The following ADGRB1 variants were observed in gnomAD, a reference collection of about 807,000 sequenced individuals.
ADGRB1 encodes brain-specific angiogenesis inhibitor 1.
In ADGRB1, 36 loss-of-function variants were observed where a neutral mutation model predicts 175.7. The ratio of observed to expected loss-of-function variants is 0.20; its 90% CI spans 0.16 to 0.27. ADGRB1 has a LOEUF of 0.27. Among genes scored for constraint, ADGRB1 ranks in the 10% least tolerant of loss-of-function variants. The pLI is 1.00. For missense variants in ADGRB1, 1,731 were observed against 2,255.3 expected (o/e 0.77, Z 4.71); for synonymous variants, 1,054 against 979.4 (o/e 1.08, Z -1.42).
At chr8:142,498,564 C>G (rs549641224) in intron 17 of ADGRB1, among the ~76,000 whole-genome samples, 1 of 151,974 alleles carries the variant, frequency 6.6e-6, no homozygotes, top group East Asian at 1.9e-4. Flanking sequence ...ACTGGCTGTG[C>G]GCGCCCAGGC....
At chr8:142,466,902 C>T (rs925009791) in intron 2 of ADGRB1, among the ~76,000 whole-genome samples, 8 of 152,226 alleles carry the variant, frequency 5.3e-5, no homozygotes, top group African/African-American at 1.9e-4. Flanking sequence ...ATACCAACTC[C>T]TTTGCAGAGC....
chr8:142,468,167 A>G (rs548823810), intron 2 of ADGRB1, among the ~76,000 whole-genome samples: 15 of 152,146 alleles, frequency 9.9e-5, no homozygotes, highest in African/African-American at 1.9e-4. Context: ...ATATGTGCTC[A>G]TGCATATATG....
At chr8:142,513,512 T>C (rs1843218696) in intron 18 of ADGRB1, among the ~76,000 whole-genome samples, 1 of 152,158 alleles carries the variant, frequency 6.6e-6, no homozygotes, top group South Asian at 2.1e-4. Context: ...GGGTGCAGCC[T>C]GCCCCTGGCA....
At chr8:142,465,396 G>A (rs1431329719) in intron 2 of ADGRB1, among the ~76,000 whole-genome samples, 3 of 152,230 alleles carry the variant, frequency 2.0e-5, no homozygotes, top group African/African-American at 4.8e-5. Context: ...GCCAGAGGCT[G>A]CAGCGGCCTG....
chr8:142,496,742 C>T (rs976075604), intron 17 of ADGRB1, among the ~76,000 whole-genome samples: 5 of 152,130 alleles, frequency 3.3e-5, no homozygotes, highest in Non-Finnish European at 5.9e-5. Flanking sequence ...TAGTACAAGC[C>T]GGGCCACAGA....
chr8:142,471,499 A>C (rs1398927274), intron 2 of ADGRB1, among the ~76,000 whole-genome samples: 2 of 152,344 alleles, frequency 1.3e-5, no homozygotes, highest in East Asian at 3.9e-4. Context: ...TTCTCAGGCC[A>C]AGGAGCACCT....
At position 142,464,486 on chromosome 8, in the gene ADGRB1, C is replaced by T. The variant is rs768732119; in HGVS notation, c.288C>T (p.Pro96=). Residue 96 remains proline (P), a synonymous_variant, in exon 2 of 31, where the codon CCC becomes CCT. Transcript: ENST00000517894. ...AGGCGCCCGTGCCCTGCAGCGGCCC[C>T]GGCCGCGTGCGCACCTACCAGTTCG... ...VAKAPVPCSG[P]GRVRTYQFDS... The T allele has an allele frequency of 7.0e-6, 11 of 1,580,814 alleles. No individual in the cohort carries two copies. Among genetic ancestry groups the T allele is most frequent in the African/African-American group, 1.4e-5 (1 of 73,076 alleles).
chr8:142,468,207 T>G (rs1038119629), intron 2 of ADGRB1, among the ~76,000 whole-genome samples: 18 of 150,406 alleles, frequency 1.2e-4, no homozygotes, highest in African/African-American at 4.2e-4. Flanking sequence ...TAAGTGTGGG[T>G]GCGTGTGTGT....
chr8:142,481,301 T>C lies in ADGRB1; in HGVS notation c.1876T>C (p.Trp626Arg). ...GCTGGACGAGGAAGGCATCGCCTAC[T>C]GGGAGCCCCCCACCTACATCCGCTG... is the stretch of plus-strand genomic sequence containing the variant. ...CELDEEGIAY[W>R]EPPTYIRCVS... is the part of the protein sequence containing the mutation. The change falls in exon 10 of 31, where the codon TGG (tryptophan) becomes CGG (arginine). Residue 626 changes from tryptophan (W) to arginine (R), a missense_variant. By Grantham distance (101) the Trp-to-Arg change is moderately radical (BLOSUM62 -3). This residue lies in a region of ADGRB1 where 388 missense variants were observed against 630.9 expected (regional missense o/e 0.61). Transcript: ENST00000517894. The C allele has an allele frequency of 6.2e-7, 1 of 1,613,856 alleles. No individual in the cohort carries two copies.
At chr8:142,489,219 T>C in intron 15 of ADGRB1, 109 bp downstream of exon 15, 1 of 1,543,644 alleles carries the variant, frequency 6.5e-7, no homozygotes, top group East Asian at 2.3e-5. Flanking sequence ...GGAGTGTGGA[T>C]GATGGGCTGT....
intron 16 of ADGRB1, 131 bp from the exon 17 acceptor site, chr8:142,490,641 A>G: frequency 9.3e-7 from 1 of 1,070,546 alleles, no homozygotes; most frequent in Non-Finnish European, 1.3e-6. Flanking sequence ...TCCTCGCAAA[A>G]CGCAGTCTGT....
chr8:142,526,351 A>C (rs1430887396), intron 23 of ADGRB1, among the ~76,000 whole-genome samples, 191 bp from the exon 24 acceptor site: 1 of 152,166 alleles, frequency 6.6e-6, no homozygotes, highest in Non-Finnish European at 1.5e-5. Context: ...GGCCCTGCAC[A>C]GTTGGCAGCT....
intron 17 of ADGRB1, among the ~76,000 whole-genome samples, chr8:142,505,357 C>T (rs1485783832): frequency 6.6e-6 from 1 of 152,214 alleles, no homozygotes; most frequent in African/African-American, 2.4e-5. Context: ...CCTACCTGCC[C>T]CGGACTCAGT....
At position 142,544,461 on chromosome 8, in the gene ADGRB1, C is replaced by T; in HGVS notation, c.*44C>T. ...CGCACTGGGCCACGGAGGAGGGATGCTGCTCCGCCCGCTCCTGCCGCAGAC... is the reference window on the plus strand; with the variant it reads ...CGCACTGGGCCACGGAGGAGGGATGTTGCTCCGCCCGCTCCTGCCGCAGAC... On this transcript the variant is annotated 3_prime_UTR_variant, in exon 31 of 31. Coordinates refer to ENST00000517894, the MANE Select transcript of ADGRB1 (RefSeq NM_001702.3). The T allele has an allele frequency of 2.1e-5, 30 of 1,426,454 alleles. No homozygotes were observed. The highest frequency in any genetic ancestry group is 5.3e-5 in the East Asian group (2 of 37,808). 88.4% of individuals were successfully genotyped at this position (1,426,454 alleles called of 1,614,324 possible).
chr8:142,528,677 C>A (rs1844389815), intron 24 of ADGRB1, among the ~76,000 whole-genome samples: 1 of 152,082 alleles, frequency 6.6e-6, no homozygotes, highest in South Asian at 2.1e-4. Flanking sequence ...CCTCCTAGGC[C>A]CACCCTTGGG....
intron 13 of ADGRB1, among the ~76,000 whole-genome samples, chr8:142,487,035 G>C (rs1841704329): frequency 1.3e-5 from 2 of 152,146 alleles, no homozygotes; most frequent in South Asian, 2.1e-4. Flanking sequence ...AAAAGACAAA[G>C]TTCTGATTTT....
chr8:142,506,186 C>T (rs1249369168), intron 17 of ADGRB1, among the ~76,000 whole-genome samples: 1 of 152,192 alleles, frequency 6.6e-6, no homozygotes, highest in African/African-American at 2.4e-5. Context: ...GCGACCTTGG[C>T]AGGAGCCGAG....
intron 19 of ADGRB1, among the ~76,000 whole-genome samples, chr8:142,519,947 G>A (rs1027056493): frequency 6.7e-5 from 10 of 148,750 alleles, no homozygotes; most frequent in African/African-American, 1.5e-4. Flanking sequence ...TGGTGATGGC[G>A]TGATGGTGGT....
chr8:142,477,223 G>T lies in ADGRB1; in HGVS notation c.1167G>T (p.Gln389His). ...GCGTGTCCTCCTCCTACAGCACGCA[G>T]TGCAGCGGACCCCTGCGCGAGCAGC... ...RFCVSSSYST[Q>H]CSGPLREQRL... Residue 389 changes from glutamine to histidine, a missense_variant, in exon 5 of 31, where the codon CAG (glutamine) becomes CAT (histidine). By Grantham distance (24) the Gln-to-His change is conservative (BLOSUM62 0). Around this residue, in one of 8 missense-constraint regions of ADGRB1, gnomAD observed 178 missense variants for 227.8 expected, o/e 0.78. Transcript: ENST00000517894. The T allele has an allele frequency of 6.2e-7, 1 of 1,600,808 alleles. No individual in the cohort carries two copies.
Sources: allele counts gnomAD v4.1 joint callset (sites outside exome capture counted in the v4.1 genomes callset), GRCh38; gene constraint gnomAD v4.1.1; regional missense constraint gnomAD v4.1.1; transcripts MANE v1.5; gene names NCBI Gene and HGNC (gene_info 2026-07-23, HGNC 2026-07-21).